The following TAFA1 variants were observed in gnomAD, a reference collection of about 807,000 sequenced individuals.
The protein encoded by TAFA1 is chemokine-like protein TAFA-1.
TAFA1 carries 4 observed loss-of-function variants against 18.5 expected under a neutral mutation model. The ratio of observed to expected loss-of-function variants is 0.22; its 90% CI spans 0.11 to 0.49. TAFA1 has a LOEUF of 0.49. Ranked by LOEUF, TAFA1 falls within the 20% of genes least tolerant of loss-of-function variation. TAFA1 has a pLI of 0.98. For missense variants in TAFA1, 147 were observed against 169.0 expected, an observed-to-expected ratio of 0.87 and a Z score of 0.72; for synonymous variants, 56 against 55.2, an observed-to-expected ratio of 1.01 and a Z score of -0.06.
chr3:68,063,456 A>C (rs1324530409), intron 2 of TAFA1, among the ~76,000 whole-genome samples: 4 of 152,248 alleles, frequency 2.6e-5, no homozygotes, highest in African/African-American at 7.2e-5. Flanking sequence ...AAGAAGTATA[A>C]AATGAAAATA....
chr3:68,400,023 G>A (rs1282078923), intron 2 of TAFA1, among the ~76,000 whole-genome samples: 1 of 152,150 alleles, frequency 6.6e-6, no homozygotes, highest in Admixed American at 6.6e-5. Flanking sequence ...TTTACCCAAT[G>A]TTTCCACACA....
chr3:68,255,663 G>T (rs905240202), intron 2 of TAFA1, among the ~76,000 whole-genome samples: 6 of 151,724 alleles, frequency 4.0e-5, no homozygotes, highest in Non-Finnish European at 7.4e-5. Flanking sequence ...GTTTTATAGG[G>T]TTTTTTTTAA....
At chr3:68,355,234 C>T (rs969070775) in intron 2 of TAFA1, among the ~76,000 whole-genome samples, 1 of 151,954 alleles carries the variant, frequency 6.6e-6, no homozygotes, top group Admixed American at 6.6e-5. Context: ...ACTCAGTCAA[C>T]ATAGTCCTAC....
At chr3:68,287,206 CGT>C (rs1271893605) in intron 2 of TAFA1, among the ~76,000 whole-genome samples, 1 of 152,116 alleles carries the variant, frequency 6.6e-6, no homozygotes, top group African/African-American at 2.4e-5. Context: ...TGAAAAACCG[CGT>C]GTGTAATGGA....
intron 2 of TAFA1, among the ~76,000 whole-genome samples, chr3:68,054,869 G>A (rs1356460406): frequency 1.3e-5 from 2 of 152,140 alleles, no homozygotes; most frequent in Non-Finnish European, 2.9e-5. Context: ...TAAGGTTATA[G>A]CACTAGTTAC....
chr3:68,361,463 A>T (rs1459114910), intron 2 of TAFA1, among the ~76,000 whole-genome samples: 2 of 152,078 alleles, frequency 1.3e-5, no homozygotes, highest in East Asian at 3.9e-4. Flanking sequence ...AATGCATTGC[A>T]TATTTCAAAG....
chr3:68,298,362 G>A (rs1553670577), intron 2 of TAFA1, among the ~76,000 whole-genome samples: 1 of 152,162 alleles, frequency 6.6e-6, no homozygotes, highest in Non-Finnish European at 1.5e-5. Context: ...GTGAATGTGT[G>A]TGTCATGCTG....
chr3:68,202,698 C>A (rs1354951580), intron 2 of TAFA1, among the ~76,000 whole-genome samples: 2 of 151,518 alleles, frequency 1.3e-5, no homozygotes, highest in African/African-American at 4.8e-5. Flanking sequence ...CTAATTTCTT[C>A]CTCCCATCCT....
intron 2 of TAFA1, among the ~76,000 whole-genome samples, chr3:68,308,602 T>C (rs2068461384): frequency 6.6e-6 from 1 of 152,200 alleles, no homozygotes; most frequent in South Asian, 2.1e-4. Flanking sequence ...AACTACATAA[T>C]GCACTTTATA....
intron 3 of TAFA1, among the ~76,000 whole-genome samples, chr3:68,469,089 T>A (rs995192196): frequency 6.6e-6 from 1 of 152,046 alleles, no homozygotes; most frequent in Non-Finnish European, 1.5e-5. Context: ...GCTTAAGAGG[T>A]CACAGAGAAG....
At chr3:68,063,722 T>C (rs2064635964) in intron 2 of TAFA1, among the ~76,000 whole-genome samples, 1 of 152,226 alleles carries the variant, frequency 6.6e-6, no homozygotes. Context: ...CTTTAATGCA[T>C]TAATAAAGAA....
chr3:68,427,850 A>G (rs2071086578), intron 3 of TAFA1, among the ~76,000 whole-genome samples: 1 of 151,850 alleles, frequency 6.6e-6, no homozygotes, highest in Admixed American at 6.6e-5. Context: ...AAGTCTCATG[A>G]GATCTGATGG....
intron 2 of TAFA1, among the ~76,000 whole-genome samples, chr3:68,309,111 T>C (rs932363138): frequency 1.3e-5 from 2 of 152,108 alleles, no homozygotes; most frequent in Non-Finnish European, 1.5e-5. Flanking sequence ...TCTTCCTAAT[T>C]CAAGGTTTAC....
rs77503181 is a variant in TAFA1, at chr3:68,240,190, A to G, written c.119-177090A>G. Among the ~76,000 whole-genome samples the G allele has an allele frequency of 5.9e-3, 897 of 152,210 alleles. 30 individuals carry two copies. In the East Asian group the frequency reaches 0.089, roughly 15 times the overall value. On this transcript the variant is annotated intron_variant, in intron 2 of 4. Transcript: ENST00000478136. ...TATGGCAAATGATCTAAGAATACTCATATCTTCTTCCCAACTATACCACTC... is the reference window on the plus strand; with the variant it reads ...TATGGCAAATGATCTAAGAATACTCGTATCTTCTTCCCAACTATACCACTC...
At chr3:68,487,623 G>T (rs1340127066) in intron 3 of TAFA1, among the ~76,000 whole-genome samples, 6 of 151,934 alleles carry the variant, frequency 3.9e-5, no homozygotes, top group East Asian at 1.9e-4. Flanking sequence ...GTGGTGGCAG[G>T]TGCCTGTAGT....
chr3:68,418,158 T>G (rs1459377999), intron 3 of TAFA1, among the ~76,000 whole-genome samples: 1 of 152,154 alleles, frequency 6.6e-6, no homozygotes, highest in Non-Finnish European at 1.5e-5. Context: ...CGCATCCGTG[T>G]GAAGATACCA....
At chr3:68,268,027 A>C (rs1262305959) in intron 2 of TAFA1, among the ~76,000 whole-genome samples, 1 of 152,158 alleles carries the variant, frequency 6.6e-6, no homozygotes, top group Non-Finnish European at 1.5e-5. Context: ...CAGCCCAGAG[A>C]ATGCATTTTC....
intron 2 of TAFA1, among the ~76,000 whole-genome samples, chr3:68,125,842 A>G (rs1429528842): frequency 6.6e-6 from 1 of 152,070 alleles, no homozygotes; most frequent in Non-Finnish European, 1.5e-5. Context: ...GAGTGTGCTT[A>G]GCCTGTGTGT....
In TAFA1 at chr3:68,305,226, T is replaced by C. The variant is rs1586819; in HGVS notation, c.119-112054T>C. On this transcript the variant is annotated intron_variant, in intron 2 of 4. Coordinates refer to ENST00000478136, the MANE Select transcript of TAFA1 (RefSeq NM_213609.4). ...GTTGTCACATGGTGTTTTTCCCATATGTTTTTTTTCCCCCGATGTTTTCTT... is the reference window on the plus strand; with the variant it reads ...GTTGTCACATGGTGTTTTTCCCATACGTTTTTTTTCCCCCGATGTTTTCTT... Among the ~76,000 whole-genome samples, 198 of 144,120 alleles carry C rather than the reference T, an allele frequency of 1.4e-3. 1 individual carries two copies. The highest frequency in any genetic ancestry group is 4.8e-3 in the African/African-American group (195 of 40,968). 94.5% of individuals were successfully genotyped at this position (144,120 alleles called of 152,430 possible). A position where few individuals can be genotyped will look rare whatever the true frequency, so the allele number is the denominator to read the frequency against.
Sources: allele counts gnomAD v4.1 joint callset (sites outside exome capture counted in the v4.1 genomes callset), GRCh38; gene constraint gnomAD v4.1.1; transcripts MANE v1.5; gene names NCBI Gene and HGNC (gene_info 2026-07-23, HGNC 2026-07-21).